Variants in SORBS3 observed in about 807,000 individuals in gnomAD.
SORBS3 encodes the protein vinexin.
SORBS3 carries 69 observed loss-of-function variants against 98.0 expected under a neutral mutation model. That is an observed-to-expected ratio of 0.70 (90% CI 0.58 to 0.86). The LOEUF is 0.86. Among genes scored for constraint, SORBS3 ranks in the 40% least tolerant of loss-of-function variants. SORBS3 has a pLI of 0.00. For synonymous variants in SORBS3, 394 were observed against 355.4 expected, an observed-to-expected ratio of 1.11 and a Z score of -1.22; for missense variants, 954 against 908.5, an observed-to-expected ratio of 1.05 and a Z score of -0.64.
chr8:22,554,397 G>A lies in SORBS3; in HGVS notation c.-55-55G>A, dbSNP rs1208312369. The A allele has an allele frequency of 6.7e-7, 1 of 1,493,772 alleles. No individual in the cohort carries two copies. Among genetic ancestry groups the A allele is most frequent in the Non-Finnish European group, 8.9e-7 (1 of 1,127,494 alleles). 92.5% of individuals were successfully genotyped at this position (1,493,772 alleles called of 1,614,324 possible). ...CCCCTATCCCAGGGTCGAGCCAAGA[G>A]GGCATGGGCAGCCTAGCCTAGCAGG... On this transcript the variant is annotated intron_variant, in intron 1 of 20. Transcript: ENST00000240123. The surrounding 1 kb of genome is among the most constrained non-coding windows in gnomAD (Gnocchi z 6.5).
intron 4 of SORBS3, among the ~76,000 whole-genome samples, chr8:22,557,805 C>G (rs972399474): frequency 6.6e-6 from 1 of 152,162 alleles, no homozygotes; most frequent in African/African-American, 2.4e-5. Flanking sequence ...ACAGGAGACC[C>G]TGTCTCCCCA....
In SORBS3 at chr8:22,571,665, T is replaced by G. The variant is rs2294045; in HGVS notation, c.1744-53T>G. On this transcript the variant is annotated intron_variant, in intron 18 of 20. Coordinates refer to ENST00000240123, the MANE Select transcript of SORBS3 (RefSeq NM_005775.5). The stretch of plus-strand genomic sequence containing the variant: ...TTGGGCCTCCTCCCTCAGGCTTACA[T>G]GTACCCATCGTCTTCCTCCCTCTGA... 131,446 of 1,379,510 alleles carry G rather than the reference T, an allele frequency of 0.095. 7,792 individuals are homozygous for G. Among genetic ancestry groups the G allele is most frequent in the Admixed American group, 0.25 (14,719 of 59,382 alleles). 85.5% of individuals were successfully genotyped at this position (1,379,510 alleles called of 1,614,324 possible). A position where few individuals can be genotyped will look rare whatever the true frequency, so the allele number is the denominator to read the frequency against.
intron 12 of SORBS3, 156 bp from the exon 13 acceptor site, chr8:22,566,189 G>C (rs1312531239): frequency 2.0e-6 from 2 of 1,005,172 alleles, no homozygotes; most frequent in Non-Finnish European, 2.8e-6. Flanking sequence ...GCAGCGACTC[G>C]GGAAGTAGGA....
Position 22,575,103 on chromosome 8 carries a change from C to G in SORBS3, c.*375C>G. The G allele has an allele frequency of 2.6e-6, 1 of 387,408 alleles. No individual in the cohort carries two copies. Among genetic ancestry groups the G allele is most frequent in the East Asian group, 7.0e-5 (1 of 14,372 alleles). The allele number at this position is 387,408 out of a possible 1,614,324, so 24.0% of individuals were successfully genotyped here. Reference sequence around the variant, plus strand: ...TCCGCTTTGCCCCCACGGGGTTCCTCTAACCAGAACCAGCTTCCTAGCCTC... The same window carrying G: ...TCCGCTTTGCCCCCACGGGGTTCCTGTAACCAGAACCAGCTTCCTAGCCTC... On this transcript the variant is annotated 3_prime_UTR_variant, in exon 21 of 21. Transcript: ENST00000240123.
chr8:22,574,179 C>T (rs920409798), intron 20 of SORBS3, among the ~76,000 whole-genome samples: 5 of 152,170 alleles, frequency 3.3e-5, no homozygotes, highest in East Asian at 1.9e-4. Flanking sequence ...GTTCCCCCCC[C>T]TCCTCCTCTT....
rs1423728700 is a variant in SORBS3 at position 22,554,539 on chromosome 8, G to T, written c.33G>T (p.Gly11=). The T allele has an allele frequency of 1.9e-6, 3 of 1,612,726 alleles. No homozygotes were observed. The highest frequency in any genetic ancestry group is 2.5e-6 in the Non-Finnish European group (3 of 1,179,956). The change falls in exon 2 of 21, where the codon GGG becomes GGT. Residue 11 remains glycine, a synonymous_variant. Transcript: ENST00000240123. This position sits in a 1 kb window ranked among gnomAD's most constrained non-coding sequence, Gnocchi z 6.5. MQGPPRSLRA[G]LSLDDFIPGH... Reference sequence around the variant, plus strand: ...GCCCACCCCGCAGCCTCCGCGCTGGGCTCAGCCTGGACGACTTCATCCCTG... The same window carrying T: ...GCCCACCCCGCAGCCTCCGCGCTGGTCTCAGCCTGGACGACTTCATCCCTG...
intron 19 of SORBS3, among the ~76,000 whole-genome samples, 166 bp downstream of exon 19, chr8:22,571,987 C>T (rs905237611): frequency 2.0e-5 from 3 of 152,218 alleles, no homozygotes; most frequent in Non-Finnish European, 4.4e-5. Context: ...GGAGGAGGCG[C>T]TGGTCTGTGA....
intron 18 of SORBS3, 167 bp from the exon 19 acceptor site, chr8:22,571,551 A>C: frequency 1.6e-6 from 1 of 621,396 alleles, no homozygotes; most frequent in Non-Finnish European, 2.9e-6. Flanking sequence ...TGAAATAGTC[A>C]CAGCAGGTGT....
intron 17 of SORBS3, 132 bp from the exon 18 acceptor site, chr8:22,570,778 A>G: frequency 1.3e-6 from 1 of 758,336 alleles, no homozygotes; most frequent in Non-Finnish European, 2.0e-6. Context: ...ACTCGGGTAA[A>G]CTGCTGGCCC....
intron 13 of SORBS3, 87 bp downstream of exon 13, chr8:22,566,571 C>A (rs1427824601): frequency 6.3e-7 from 1 of 1,580,862 alleles, no homozygotes; most frequent in Non-Finnish European, 8.6e-7. Context: ...TCACAGAGCC[C>A]CTTGCTTCTG....
intron 1 of SORBS3, among the ~76,000 whole-genome samples, chr8:22,553,772 C>A (rs1387441458): frequency 6.6e-6 from 1 of 152,218 alleles, no homozygotes; most frequent in African/African-American, 2.4e-5. Flanking sequence ...GCAGGTTCAG[C>A]TCTGCCCTCA....
chr8:22,565,671 C>G, intron 11 of SORBS3, 155 bp from the exon 12 acceptor site: 3 of 1,209,582 alleles, frequency 2.5e-6, no homozygotes, highest in Non-Finnish European at 3.1e-6. Context: ...TAGTTCCCGC[C>G]CCGCTCCCGG....
chr8:22,573,997 A>C (rs938637520), intron 20 of SORBS3, among the ~76,000 whole-genome samples: 6 of 152,074 alleles, frequency 3.9e-5, no homozygotes, highest in African/African-American at 1.2e-4. Flanking sequence ...CAGGGCTCTG[A>C]AGGTCGGCAA....
At position 22,574,883 on chromosome 8, in the gene SORBS3, C is replaced by G. The variant is rs757329169; in HGVS notation, c.*155C>G. On this transcript the variant is annotated 3_prime_UTR_variant, in exon 21 of 21. Coordinates refer to ENST00000240123, the MANE Select transcript of SORBS3 (RefSeq NM_005775.5). The stretch of plus-strand genomic sequence containing the variant: ...CGCAGCCTTTCCCTCGGACCCCCCT[C>G]GAAGCCCCCTGGACTGATTCCCACC... 1 of 734,890 alleles carries G rather than the reference C, an allele frequency of 1.4e-6. No individual in the cohort carries two copies. Among genetic ancestry groups the G allele is most frequent in the Non-Finnish European group, 2.4e-6 (1 of 411,362 alleles). 45.5% of individuals were successfully genotyped at this position (734,890 alleles called of 1,614,324 possible). A position where few individuals can be genotyped will look rare whatever the true frequency, so the allele number is the denominator to read the frequency against.
chr8:22,573,226 T>C (rs1306806715), intron 20 of SORBS3: 1 of 429,230 alleles, frequency 2.3e-6, no homozygotes, highest in African/African-American at 2.0e-5. Flanking sequence ...GAATGGCCCC[T>C]ACCTTCTAGT....
Position 22,558,177 on chromosome 8 carries a change from C to T in SORBS3, c.463C>T (p.His155Tyr). The T allele has an allele frequency of 6.2e-7, 1 of 1,614,166 alleles. No individual in the cohort carries two copies. The highest frequency in any genetic ancestry group is 8.5e-7 in the Non-Finnish European group (1 of 1,180,016). ...GTACCGGAGAATGTTCCAGCAGATTCACCGGAAAATGCCAGGTAAGATACC... is the reference window on the plus strand; with the variant it reads ...GTACCGGAGAATGTTCCAGCAGATTTACCGGAAAATGCCAGGTAAGATACC... ...DWYRRMFQQI[H>Y]RKMPDLQLDW... Residue 155 changes from histidine (H) to tyrosine (Y), a missense_variant, in exon 5 of 21, where the codon CAC becomes TAC. Physicochemically the swap from His to Tyr is moderately conservative, Grantham distance 83 (BLOSUM62 2). Transcript: ENST00000240123.
intron 6 of SORBS3, chr8:22,561,654 G>A: frequency 1.6e-6 from 1 of 616,248 alleles, no homozygotes; most frequent in Non-Finnish European, 2.9e-6. Flanking sequence ...CACCTACTCG[G>A]AGTTGTTTTG....
chr8:22,549,264 A>T (rs567986844), upstream of SORBS3, among the ~76,000 whole-genome samples: 1 of 152,302 alleles, frequency 6.6e-6, no homozygotes, highest in African/African-American at 2.4e-5. Flanking sequence ...GAGAGAGTGC[A>T]GTGGGATTTG....
In SORBS3 at chr8:22,554,951, C is replaced by T. The variant is rs1374905957; in HGVS notation, c.191C>T (p.Thr64Ile). The change falls in exon 3 of 21, where the codon ACA (threonine) becomes ATA (isoleucine). Residue 64 changes from threonine (T) to isoleucine (I), a missense_variant. Transcript: ENST00000240123. The surrounding 1 kb of genome is among the most constrained non-coding windows in gnomAD (Gnocchi z 6.5). ...AGGACTGTGTGCAATGGGGGCTACA[C>T]ACCAAGACGAGATGCTTCCCAGCAC... ...APRTVCNGGYTPRRDASQHPD... is the reference protein window; with the variant it reads ...APRTVCNGGYIPRRDASQHPD... The T allele has an allele frequency of 1.2e-6, 2 of 1,613,588 alleles. No individual in the cohort carries two copies. Among genetic ancestry groups the T allele is most frequent in the Non-Finnish European group, 1.7e-6 (2 of 1,179,968 alleles).
Sources: gnomAD v4.1 joint callset for allele counts (sites outside exome capture counted in the v4.1 genomes callset) on GRCh38, gnomAD v4.1.1 for gene constraint, Gnocchi (gnomAD v3.1) non-coding constraint, MANE v1.5 for transcripts, NCBI Gene and HGNC (gene_info 2026-07-23, HGNC 2026-07-21) for gene names.